The following RAD51C variants were observed in gnomAD, a reference collection of about 807,000 sequenced individuals.
The protein encoded by RAD51C is DNA repair protein RAD51 homolog 3.
A neutral mutation model predicts 45.0 loss-of-function variants in RAD51C; 42 were observed. The ratio of observed to expected loss-of-function variants is 0.93; its 90% CI spans 0.73 to 1.21. The LOEUF (loss-of-function observed/expected upper bound fraction) is 1.21. RAD51C is among the 50% of genes most tolerant of loss of function. RAD51C has a pLI of 0.00. For missense variants in RAD51C, 474 were observed against 452.2 expected (o/e 1.05, Z -0.44); for synonymous variants, 172 against 159.8 (o/e 1.08, Z -0.58).
intron 7 of RAD51C, among the ~76,000 whole-genome samples, chr17:58,730,188 G>A (rs1336712801): frequency 8.3e-6 from 1 of 120,858 alleles, no homozygotes; most frequent in East Asian, 2.4e-4. Context: ...TTTTTGAGAT[G>A]GAGTCTCGCC....
intron 5 of RAD51C, among the ~76,000 whole-genome samples, chr17:58,713,154 G>A (rs1014358550): frequency 6.6e-6 from 1 of 151,812 alleles, no homozygotes; most frequent in Admixed American, 6.6e-5. Context: ...TGAAAATGAG[G>A]TCATATTATA....
intron 5 of RAD51C, among the ~76,000 whole-genome samples, chr17:58,716,000 G>T (rs760177581): frequency 4.0e-5 from 6 of 151,710 alleles, no homozygotes; most frequent in Non-Finnish European, 7.4e-5. Flanking sequence ...AGCTACTTGG[G>T]AGGCTGAGGC....
intron 3 of RAD51C, among the ~76,000 whole-genome samples, chr17:58,697,602 A>G (rs1215963418): frequency 6.6e-6 from 1 of 151,050 alleles, no homozygotes; most frequent in Non-Finnish European, 1.5e-5. Flanking sequence ...TGTTAAGCAG[A>G]TTGACTTGGG....
At chr17:58,709,463 C>T (rs533893117) in intron 4 of RAD51C, among the ~76,000 whole-genome samples, 42 of 152,232 alleles carry the variant, frequency 2.8e-4, no homozygotes, top group African/African-American at 1.0e-3. Context: ...ACTGGCTGAA[C>T]AGCTTTGTAA....
intron 7 of RAD51C, among the ~76,000 whole-genome samples, chr17:58,727,969 G>A (rs890758342): frequency 6.6e-6 from 1 of 151,452 alleles, no homozygotes; most frequent in African/African-American, 2.4e-5. Context: ...GAGGCCGGGC[G>A]CAGTGGCTGA....
At chr17:58,721,194 A>G (rs937588392) in intron 6 of RAD51C, among the ~76,000 whole-genome samples, 1 of 152,098 alleles carries the variant, frequency 6.6e-6, no homozygotes, top group African/African-American at 2.4e-5. Context: ...AGGAGTGAGA[A>G]TTGCTTGAAC....
chr17:58,719,729 ATTT>A (rs35062854), intron 5 of RAD51C, among the ~76,000 whole-genome samples: 2 of 135,728 alleles, frequency 1.5e-5, no homozygotes. Flanking sequence ...TGGATTTTTA[ATTT>A]TTTTTTTTTT....
intron 2 of RAD51C, 147 bp downstream of exon 2, chr17:58,695,336 A>G (rs2047966981): frequency 1.4e-6 from 2 of 1,404,104 alleles, no homozygotes; most frequent in Non-Finnish European, 1.9e-6. Flanking sequence ...TTAGCTTACT[A>G]TTTGTGTTAC....
chr17:58,701,087 G>A (rs558869973), intron 3 of RAD51C, among the ~76,000 whole-genome samples: 1 of 152,154 alleles, frequency 6.6e-6, no homozygotes, highest in South Asian at 2.1e-4. Flanking sequence ...TTTTTGTAGA[G>A]ACGGAGTTTC....
intron 5 of RAD51C, among the ~76,000 whole-genome samples, chr17:58,718,432 G>A (rs2048812668): frequency 6.6e-6 from 1 of 152,164 alleles, no homozygotes; most frequent in South Asian, 2.1e-4. Flanking sequence ...ATATGTATTA[G>A]AAGAGTATAT....
rs77645283 is a variant in RAD51C at position 58,727,495 on chromosome 17, G to T, written c.965+3395G>T. ...TTCTAGAAGGTAATTGTAGTATTGT[G>T]TTGATTGCCAGCCAATCTGAATATG... On this transcript the variant is annotated intron_variant, in intron 7 of 8. Transcript: ENST00000337432. Among the ~76,000 whole-genome samples, 277 of 151,938 alleles carry T rather than the reference G, an allele frequency of 1.8e-3. 10 individuals are homozygous for T. The East Asian group carries it at 0.05, about 28-fold the overall frequency.
At chr17:58,732,156 A>G (rs1383845307) in intron 7 of RAD51C, among the ~76,000 whole-genome samples, 1 of 152,134 alleles carries the variant, frequency 6.6e-6, no homozygotes, top group African/African-American at 2.4e-5. Context: ...ATTATTTAGT[A>G]TATTATTAAT....
chr17:58,703,047 T>C (rs938041767), intron 3 of RAD51C, 149 bp from the exon 4 acceptor site: 34 of 816,864 alleles, frequency 4.2e-5, no homozygotes, highest in Admixed American at 1.2e-4. Flanking sequence ...ATGAACTGTT[T>C]ATAGTAATTT....
chr17:58,704,422 G>A (rs62081317), intron 4 of RAD51C, among the ~76,000 whole-genome samples: 1 of 151,474 alleles, frequency 6.6e-6, no homozygotes, highest in Non-Finnish European at 1.5e-5. Context: ...ACAGGCATGC[G>A]CCACAACGCC....
chr17:58,701,197 G>A (rs2143783387), intron 3 of RAD51C, among the ~76,000 whole-genome samples: 1 of 151,182 alleles, frequency 6.6e-6, no homozygotes, highest in East Asian at 2.0e-4. Context: ...CACCACGCCT[G>A]GCTAAGTGCA....
In RAD51C at chr17:58,695,187, A is replaced by G. The variant is rs1064794121; in HGVS notation, c.402A>G (p.Leu134=). 1 of 1,610,614 alleles carries G rather than the reference A, an allele frequency of 6.2e-7. No individual in the cohort carries two copies. Among genetic ancestry groups the G allele is most frequent in the Non-Finnish European group, 8.5e-7 (1 of 1,177,890 alleles). ...CACCAGGTGTTGGAAAAACACAATT[A>G]TGGTAAAATAAAGTGTTCTCCTTTT... ...CGAPGVGKTQ[L]CMQLAVDVQI... Residue 134 remains leucine (L), a splice_region_variant and synonymous_variant, in exon 2 of 9, where the codon TTA becomes TTG. Coordinates refer to ENST00000337432, the MANE Select transcript of RAD51C (RefSeq NM_058216.3).
At chr17:58,716,341 T>C (rs150858462) in intron 5 of RAD51C, among the ~76,000 whole-genome samples, 1 of 152,310 alleles carries the variant, frequency 6.6e-6, no homozygotes, top group East Asian at 1.9e-4. Context: ...AAACCAGCAC[T>C]GTCCAGTAGA....
Position 58,692,714 on chromosome 17 carries a change from G to A in RAD51C, c.71G>A (p.Arg24Gln), listed in dbSNP as rs777554369. The A allele has an allele frequency of 8.7e-6, 14 of 1,614,242 alleles. No individual in the cohort carries two copies. Among genetic ancestry groups the A allele is most frequent in the East Asian group, 2.2e-5 (1 of 44,882 alleles). The change falls in exon 1 of 9, where the codon CGG (arginine) becomes CAG (glutamine). Residue 24 changes from arginine (R) to glutamine (Q), a missense_variant. Transcript: ENST00000337432. Reference protein sequence around the residue: ...LVSFPLSPAVRVKLVSAGFQT... With the variant: ...LVSFPLSPAVQVKLVSAGFQT... ...AGTTTCCCGCTGTCTCCAGCGGTGC[G>A]GGTGAAGCTGGTGTCTGCGGGGTTC...
intron 3 of RAD51C, among the ~76,000 whole-genome samples, chr17:58,698,232 G>C (rs1457958577): frequency 7.0e-6 from 1 of 143,480 alleles, no homozygotes; most frequent in Non-Finnish European, 1.5e-5. Context: ...GCCCAGGCTA[G>C]AGTGTAATGG....
Sources: allele counts gnomAD v4.1 joint callset (sites outside exome capture counted in the v4.1 genomes callset), GRCh38; gene constraint gnomAD v4.1.1; transcripts MANE v1.5; gene names NCBI Gene and HGNC (gene_info 2026-07-23, HGNC 2026-07-21).